The following KCND2 variants were observed in gnomAD, a reference collection of about 807,000 sequenced individuals.
KCND2 encodes A-type voltage-gated potassium channel KCND2.
Under a neutral mutation model 54.4 loss-of-function variants are expected in KCND2, and 16 were observed. The observed-to-expected ratio is 0.29, with a 90% CI of 0.20 to 0.45. KCND2 has a LOEUF of 0.45. Ranked by LOEUF, KCND2 falls within the 20% of genes least tolerant of loss-of-function variation. The pLI, the probability that KCND2 is intolerant of heterozygous loss-of-function variation, is 1.00. For synonymous variants in KCND2, 317 were observed against 310.7 expected (o/e 1.02, Z -0.21); for missense variants, 486 against 824.2 (o/e 0.59, Z 5.02).
Position 120,274,590 on chromosome 7 carries a change from TG to T in KCND2, c.-42del. 1 of 1,613,728 alleles carries T rather than the reference TG, an allele frequency of 6.2e-7. No homozygotes were observed. The highest frequency in any genetic ancestry group is 8.5e-7 in the Non-Finnish European group (1 of 1,179,738). ...ACTTTTGGCTGCTTCGGTGACCCAT[TG>T]TAGACGCCTCGTTACCCTTCTTCCT... On this transcript the variant is annotated 5_prime_UTR_variant, in exon 1 of 6. Coordinates refer to ENST00000331113, the MANE Select transcript of KCND2 (RefSeq NM_012281.3).
intron 1 of KCND2, among the ~76,000 whole-genome samples, chr7:120,542,550 T>C (rs1366858098): frequency 1.3e-5 from 2 of 152,164 alleles, no homozygotes; most frequent in Non-Finnish European, 2.9e-5. Context: ...AATGCTAAAG[T>C]AGCTCGAATT....
chr7:120,507,716 C>T (rs1803048420), intron 1 of KCND2, among the ~76,000 whole-genome samples: 1 of 151,816 alleles, frequency 6.6e-6, no homozygotes, highest in African/African-American at 2.4e-5. Flanking sequence ...AGCCCTACAC[C>T]TCCTGAATTT....
At chr7:120,450,150 C>T (rs963935855) in intron 1 of KCND2, among the ~76,000 whole-genome samples, 2 of 152,150 alleles carry the variant, frequency 1.3e-5, no homozygotes, top group African/African-American at 4.8e-5. Flanking sequence ...CAGTGGCTCA[C>T]GCCTGTAATC....
intron 1 of KCND2, among the ~76,000 whole-genome samples, chr7:120,424,569 G>A (rs1249468709): frequency 2.0e-5 from 3 of 152,146 alleles, no homozygotes; most frequent in Admixed American, 6.5e-5. Context: ...AACAGATTTT[G>A]TAGGAAAAAA....
intron 1 of KCND2, among the ~76,000 whole-genome samples, chr7:120,582,933 T>G (rs969699411): frequency 6.8e-6 from 1 of 148,102 alleles, no homozygotes; most frequent in African/African-American, 2.5e-5. Flanking sequence ...CTATCTGGTT[T>G]GCATTGCTCT....
chr7:120,559,519 G>A (rs546667792), intron 1 of KCND2, among the ~76,000 whole-genome samples: 123 of 152,294 alleles, frequency 8.1e-4, no homozygotes, highest in Admixed American at 2.5e-3. Context: ...CCACCAACTA[G>A]AGGATAGGAT....
At chr7:120,734,053 A>G (rs906923005) in intron 2 of KCND2, among the ~76,000 whole-genome samples, 2 of 152,130 alleles carry the variant, frequency 1.3e-5, no homozygotes, top group African/African-American at 4.8e-5. Context: ...AGCCAGAGTA[A>G]GCTCAGAAAC....
At chr7:120,436,509 A>G (rs75900247) in intron 1 of KCND2, among the ~76,000 whole-genome samples, 4,425 of 152,306 alleles carry the variant, frequency 0.029, 99 homozygotes, top group Non-Finnish European at 0.044. Context: ...CAAGAAACAC[A>G]GTTTTCTGTA....
chr7:120,664,773 T>C (rs1466074627), intron 1 of KCND2, among the ~76,000 whole-genome samples: 1 of 152,086 alleles, frequency 6.6e-6, no homozygotes, highest in Non-Finnish European at 1.5e-5. Context: ...GCTTTCCAGA[T>C]GCTTTGGCTG....
At chr7:120,449,660 A>G (rs2116214275) in intron 1 of KCND2, among the ~76,000 whole-genome samples, 1 of 152,344 alleles carries the variant, frequency 6.6e-6, no homozygotes, top group South Asian at 2.1e-4. Context: ...GCAAATGCTT[A>G]ATTTCTAAGC....
intron 1 of KCND2, among the ~76,000 whole-genome samples, chr7:120,669,386 A>G (rs1161343473): frequency 8.5e-5 from 13 of 152,092 alleles, no homozygotes; most frequent in Non-Finnish European, 1.8e-4. Flanking sequence ...TGGCCAGACT[A>G]CTATAAACAA....
chr7:120,444,023 G>A (rs1801983744), intron 1 of KCND2, among the ~76,000 whole-genome samples: 1 of 152,040 alleles, frequency 6.6e-6, no homozygotes, highest in South Asian at 2.1e-4. Context: ...TCCTTAGCAT[G>A]AAATGTCACT....
At chr7:120,415,815 C>T (rs1801516208) in intron 1 of KCND2, among the ~76,000 whole-genome samples, 1 of 152,206 alleles carries the variant, frequency 6.6e-6, no homozygotes, top group South Asian at 2.1e-4. Flanking sequence ...TTCAGAAGCA[C>T]ATCAAATTCA....
At chr7:120,367,238 G>A (rs1275641770) in intron 1 of KCND2, among the ~76,000 whole-genome samples, 1 of 152,064 alleles carries the variant, frequency 6.6e-6, no homozygotes, top group Admixed American at 6.6e-5. Flanking sequence ...TTTGAACCCA[G>A]GTCTGCCTAA....
intron 1 of KCND2, among the ~76,000 whole-genome samples, chr7:120,547,378 T>C (rs10227379): frequency 0.14 from 21,758 of 151,892 alleles, 2,930 homozygotes; most frequent in African/African-American, 0.36. Context: ...TAACTCTCTG[T>C]AAAAGTCGGT....
At chr7:120,335,461 TTAC>T (rs1800135099) in intron 1 of KCND2, among the ~76,000 whole-genome samples, 1 of 138,272 alleles carries the variant, frequency 7.2e-6, no homozygotes, top group African/African-American at 3.0e-5. Context: ...ATTTATTTAC[TTAC>T]TTACTTATTT....
intron 1 of KCND2, among the ~76,000 whole-genome samples, chr7:120,430,865 TA>T (rs944566923): frequency 6.8e-4 from 103 of 152,346 alleles, no homozygotes; most frequent in African/African-American, 2.0e-3. Flanking sequence ...TCAGAGATAG[TA>T]TTATTTATCA....
intron 2 of KCND2, among the ~76,000 whole-genome samples, chr7:120,737,607 C>T (rs187732657): frequency 1.4e-3 from 207 of 152,130 alleles, no homozygotes; most frequent in Middle Eastern, 3.4e-3. Context: ...TAGTTTGGTA[C>T]TAACTTGTCT....
intron 1 of KCND2, among the ~76,000 whole-genome samples, chr7:120,373,666 A>G (rs1451571229): frequency 6.6e-6 from 1 of 151,860 alleles, no homozygotes; most frequent in African/African-American, 2.4e-5. Context: ...TATAACTTGA[A>G]TGTATAGACC....
Sources: gnomAD v4.1 joint callset for allele counts (sites outside exome capture counted in the v4.1 genomes callset) on GRCh38, gnomAD v4.1.1 for gene constraint, MANE v1.5 for transcripts, NCBI Gene and HGNC (gene_info 2026-07-23, HGNC 2026-07-21) for gene names.